The following PAM variants were observed in gnomAD, a reference collection of about 807,000 sequenced individuals.
PAM encodes peptidyl-glycine alpha-amidating monooxygenase.
PAM carries 72 observed loss-of-function variants against 122.1 expected under a neutral mutation model. The observed-to-expected ratio is 0.59, with a 90% confidence interval of 0.49 to 0.72. The LOEUF (loss-of-function observed/expected upper bound fraction) is 0.72. Among genes scored for constraint, PAM ranks in the 30% least tolerant of loss-of-function variants. The pLI, the probability that PAM is intolerant of heterozygous loss-of-function variation, is 0.00. For synonymous variants in PAM, 389 were observed against 404.4 expected (o/e 0.96, Z 0.46); for missense variants, 1,106 against 1,183.7 (o/e 0.93, Z 0.96).
intron 1 of PAM, among the ~76,000 whole-genome samples, chr5:102,780,001 G>A: frequency 6.7e-6 from 1 of 148,152 alleles, no homozygotes; most frequent in Middle Eastern, 3.3e-3. Flanking sequence ...GTCAACTATG[G>A]TCCAAAAATT....
At chr5:102,871,629 T>G (rs1787494255) in intron 3 of PAM, among the ~76,000 whole-genome samples, 1 of 149,974 alleles carries the variant, frequency 6.7e-6, no homozygotes, top group Non-Finnish European at 1.5e-5. Flanking sequence ...TTATACATCT[T>G]TATATTGCTT....
chr5:102,764,707 C>T (rs1272530456), intron 1 of PAM, among the ~76,000 whole-genome samples: 1 of 152,178 alleles, frequency 6.6e-6, no homozygotes, highest in Non-Finnish European at 1.5e-5. Context: ...ACTACAATCC[C>T]AGGTTGCTCC....
At chr5:102,902,846 A>G (rs927527058) in intron 4 of PAM, among the ~76,000 whole-genome samples, 1 of 151,558 alleles carries the variant, frequency 6.6e-6, no homozygotes, top group African/African-American at 2.4e-5. Flanking sequence ...CATGTGTTAC[A>G]GCAGTATTAC....
chr5:102,963,615 G>C lies in PAM; in HGVS notation c.1162+2386G>C, dbSNP rs529461644. ...TGGTTGTGCTAGCCACAAGCTAACA[G>C]ACACCATCTATGTTGGTCCTACAGA... On this transcript the variant is annotated intron_variant, in intron 14 of 25. Coordinates refer to ENST00000438793, the MANE Select transcript of PAM (RefSeq NM_001177306.2). 1.4e-4 allele frequency among the ~76,000 whole-genome samples: 22 copies of C among 152,004 alleles called. No individual in the cohort carries two copies. The East Asian group carries it at 4.1e-3, about 28-fold the overall frequency.
rs147065045 is a variant in PAM at position 102,779,918 on chromosome 5, T to TATATACAC, written c.-374+24571_-374+24572insTATACACA. ...ATATATATATATATATATATATATA[T>TATATACAC]ACACACATATATATATGTATATATC... On this transcript the variant is annotated intron_variant, in intron 1 of 25. Coordinates refer to ENST00000438793, the MANE Select transcript of PAM (RefSeq NM_001177306.2). Among the ~76,000 whole-genome samples, 318 of 95,618 alleles carry TATATACAC rather than the reference T, an allele frequency of 3.3e-3. 2 individuals are homozygous for TATATACAC. Among genetic ancestry groups the TATATACAC allele is most frequent in the African/African-American group, 0.014 (308 of 22,034 alleles). The allele number at this position is 95,618 out of a possible 152,430, so 62.7% of individuals were successfully genotyped here. A position where few individuals can be genotyped will look rare whatever the true frequency, so the allele number is the denominator to read the frequency against.
chr5:102,930,706 A>G (rs1751193513), intron 7 of PAM, among the ~76,000 whole-genome samples: 1 of 152,224 alleles, frequency 6.6e-6, no homozygotes, highest in Non-Finnish European at 1.5e-5. Context: ...AATGCCGCTC[A>G]GTCTTGGGCT....
At chr5:102,955,250 A>G (rs764367923) in intron 12 of PAM, among the ~76,000 whole-genome samples, 6 of 152,016 alleles carry the variant, frequency 3.9e-5, no homozygotes, top group Admixed American at 1.3e-4. Flanking sequence ...GCTTTATTAA[A>G]TCTGTATTAC....
chr5:102,867,125 G>A lies in PAM; in HGVS notation c.90-148G>A, dbSNP rs7737753. 2,839 of 468,332 alleles carry A rather than the reference G, an allele frequency of 6.1e-3. 71 individuals are homozygous for A. The highest frequency in any genetic ancestry group is 0.051 in the African/African-American group (2,613 of 50,918). 29.0% of individuals were successfully genotyped at this position (468,332 alleles called of 1,614,324 possible). ...AAAATGAAAATCTGAGTATGTTTACGAACATTGTGTAGTCATCACATCTTT... is the reference window on the plus strand; with the variant it reads ...AAAATGAAAATCTGAGTATGTTTACAAACATTGTGTAGTCATCACATCTTT... On this transcript the variant is annotated intron_variant, in intron 2 of 25. Coordinates refer to ENST00000438793, the MANE Select transcript of PAM (RefSeq NM_001177306.2).
At chr5:102,870,690 G>A (rs1240365728) in intron 3 of PAM, among the ~76,000 whole-genome samples, 2 of 152,144 alleles carry the variant, frequency 1.3e-5, no homozygotes, top group African/African-American at 4.8e-5. Context: ...TTTAATCTCT[G>A]TTAATAGGTG....
At chr5:102,848,790 G>A (rs1161457971) in intron 1 of PAM, among the ~76,000 whole-genome samples, 1 of 152,178 alleles carries the variant, frequency 6.6e-6, no homozygotes, top group African/African-American at 2.4e-5. Flanking sequence ...CAGGAAATTT[G>A]GGGGATCATT....
chr5:102,978,353 T>C (rs6879788), intron 15 of PAM, among the ~76,000 whole-genome samples: 53,251 of 152,070 alleles, frequency 0.35, 9,684 homozygotes, highest in African/African-American at 0.44. Flanking sequence ...GAAGCAGATG[T>C]ACTTCTTTTT....
intron 1 of PAM, among the ~76,000 whole-genome samples, chr5:102,807,883 T>A (rs1165150693): frequency 6.6e-6 from 1 of 152,206 alleles, no homozygotes; most frequent in African/African-American, 2.4e-5. Flanking sequence ...CATGTAAAGA[T>A]GTTTGTCATT....
chr5:103,028,189 T>A lies in PAM; in HGVS notation c.2694T>A (p.Ser898=), dbSNP rs753351678. 6.2e-7 allele frequency: 1 copy of A among 1,612,552 alleles called. No individual in the cohort carries two copies. Among genetic ancestry groups the A allele is most frequent in the Non-Finnish European group, 8.5e-7 (1 of 1,178,752 alleles). Residue 898 remains serine, a synonymous_variant, in exon 25 of 26, where the codon TCT becomes TCA. Transcript: ENST00000438793. ...RWKKSRAFGD[S]EHKLETSSGR... ...TGTGCCATCTTTTTTTAGCAGATTCTGAACACAAACTCGAGACGAGTTCAG... is the reference window on the plus strand; with the variant it reads ...TGTGCCATCTTTTTTTAGCAGATTCAGAACACAAACTCGAGACGAGTTCAG...
At chr5:102,832,321 G>T (rs1422344271) in intron 1 of PAM, among the ~76,000 whole-genome samples, 1 of 151,982 alleles carries the variant, frequency 6.6e-6, no homozygotes, top group Non-Finnish European at 1.5e-5. Context: ...GTTTCAGGGG[G>T]CATGCATGTC....
At chr5:102,785,484 TATC>T (rs1334199355) in intron 1 of PAM, among the ~76,000 whole-genome samples, 2 of 152,050 alleles carry the variant, frequency 1.3e-5, no homozygotes, top group Non-Finnish European at 2.9e-5. Flanking sequence ...CCTTTAGAAG[TATC>T]ATGTGGAGGT....
chr5:103,013,106 A>T (rs188346707), intron 21 of PAM, among the ~76,000 whole-genome samples: 552 of 152,110 alleles, frequency 3.6e-3, no homozygotes, highest in Non-Finnish European at 4.6e-3. Context: ...ATTACTGTGA[A>T]GAATATTGAT....
intron 1 of PAM, among the ~76,000 whole-genome samples, chr5:102,856,777 AT>A (rs1782746743): frequency 2.0e-5 from 3 of 151,966 alleles, no homozygotes; most frequent in Admixed American, 6.6e-5. Flanking sequence ...TACCCCTGAG[AT>A]TTTTTTTCAG....
intron 7 of PAM, among the ~76,000 whole-genome samples, chr5:102,928,880 T>C (rs568744104): frequency 3.9e-5 from 6 of 152,278 alleles, no homozygotes; most frequent in East Asian, 3.9e-4. Context: ...TGCTACTCTA[T>C]CTACCCAGTT....
chr5:103,015,323 G>A (rs1421038536), intron 21 of PAM, among the ~76,000 whole-genome samples: 3 of 152,164 alleles, frequency 2.0e-5, no homozygotes, highest in Admixed American at 1.3e-4. Flanking sequence ...AGTAGAACAC[G>A]AATTTCCTTA....
Sources: allele counts gnomAD v4.1 joint callset (sites outside exome capture counted in the v4.1 genomes callset), GRCh38; gene constraint gnomAD v4.1.1; transcripts MANE v1.5; gene names NCBI Gene and HGNC (gene_info 2026-07-23, HGNC 2026-07-21).